OGDH: variants seen among roughly 807,000 people sequenced by gnomAD.
The protein encoded by OGDH is oxoglutarate dehydrogenase.
Under a neutral mutation model 116.6 loss-of-function variants are expected in OGDH, and 38 were observed. The ratio of observed to expected loss-of-function variants is 0.33; its 90% CI spans 0.25 to 0.43. OGDH has a LOEUF of 0.43. Ranked by LOEUF, OGDH falls within the 20% of genes least tolerant of loss-of-function variation. OGDH has a pLI of 1.00. For synonymous variants in OGDH, 488 were observed against 533.3 expected (o/e 0.92, Z 1.17); for missense variants, 825 against 1,357.2 (o/e 0.61, Z 6.16).
At position 44,707,446 on chromosome 7, in the gene OGDH, C is replaced by T; in HGVS notation, c.2796+58C>T. Reference sequence around the variant, plus strand: ...CCAGCGGGGGTCAGGGCTCTGGTGCCTTCACAGAACAGCCTTGCTTGGGGT... The same window carrying T: ...CCAGCGGGGGTCAGGGCTCTGGTGCTTTCACAGAACAGCCTTGCTTGGGGT... On this transcript the variant is annotated intron_variant, in intron 21 of 22. Transcript: ENST00000222673. The surrounding 1 kb of genome is among the most constrained non-coding windows in gnomAD (Gnocchi z 5.2). 4.4e-6 allele frequency: 7 copies of T among 1,605,170 alleles called. No individual in the cohort carries two copies. Among genetic ancestry groups the T allele is most frequent in the Non-Finnish European group, 6.0e-6 (7 of 1,174,986 alleles).
At chr7:44,699,505 TTG>T (rs1182217436) in intron 18 of OGDH, among the ~76,000 whole-genome samples, 1 of 151,748 alleles carries the variant, frequency 6.6e-6, no homozygotes, top group Non-Finnish European at 1.5e-5. Context: ...TAGGTAGAAC[TTG>T]TGTCTCTTAA....
chr7:44,626,310 CACACACACACACACACACACACCCCT>C (rs1197393649), intron 2 of OGDH, among the ~76,000 whole-genome samples: 7 of 131,324 alleles, frequency 5.3e-5, no homozygotes, highest in Admixed American at 3.2e-4. Flanking sequence ...CACCCCTACA[CACACACACACACACACACACACCCCT>C]ACACACACAC....
intron 2 of OGDH, among the ~76,000 whole-genome samples, chr7:44,636,640 C>G (rs1785683090): frequency 6.6e-6 from 1 of 152,218 alleles, no homozygotes. Flanking sequence ...TCTAGCCTTT[C>G]AAGAGCTTCC....
intron 2 of OGDH, among the ~76,000 whole-genome samples, chr7:44,636,120 C>CA (rs1295734610): frequency 1.3e-5 from 2 of 152,242 alleles, no homozygotes; most frequent in African/African-American, 2.4e-5. Context: ...CCCGAATCCT[C>CA]ATGCAGTTCA....
chr7:44,627,185 C>T (rs932973421), intron 2 of OGDH, among the ~76,000 whole-genome samples: 4 of 152,070 alleles, frequency 2.6e-5, no homozygotes, highest in Admixed American at 2.0e-4. Context: ...TTAGTAGAGA[C>T]GGGGTTTCAC....
chr7:44,681,610 T>A (rs551020016), intron 9 of OGDH, 110 bp from the exon 10 acceptor site: 1 of 1,441,994 alleles, frequency 6.9e-7, no homozygotes, highest in African/African-American at 1.4e-5. Flanking sequence ...ATGTTTGAAA[T>A]TATCTCAAAA....
At chr7:44,678,998 A>G (rs530740454) in intron 9 of OGDH, among the ~76,000 whole-genome samples, 244 of 152,306 alleles carry the variant, frequency 1.6e-3, no homozygotes, top group Non-Finnish European at 2.1e-3. Context: ...CAGTGCAGCA[A>G]TGCAACCTGC....
intron 10 of OGDH, among the ~76,000 whole-genome samples, chr7:44,686,574 ATGAG>A (rs1185905527): frequency 6.6e-6 from 1 of 152,058 alleles, no homozygotes; most frequent in African/African-American, 2.4e-5. Context: ...TATATTCTGA[ATGAG>A]TTTCTGTATA....
chr7:44,706,624 A>ATTT, intron 20 of OGDH, among the ~76,000 whole-genome samples: 1 of 123,244 alleles, frequency 8.1e-6, no homozygotes, highest in East Asian at 2.4e-4. Context: ...CCCGGCTGGT[A>ATTT]TTTTTTTTTT....
At chr7:44,706,344 G>T (rs1331493358) in intron 20 of OGDH, among the ~76,000 whole-genome samples, 1 of 148,006 alleles carries the variant, frequency 6.8e-6, no homozygotes, top group African/African-American at 2.5e-5. Flanking sequence ...TTTTTGAGAT[G>T]GAGTTTTGCT....
rs117555691 is a variant in OGDH at position 44,697,988 on chromosome 7, G to A, written c.2359-204G>A. ...GTGGCTAGCATGCCCCGTCCCTGCT[G>A]GTGCAGACTCCCTAGATGCACAGGC... On this transcript the variant is annotated intron_variant, in intron 17 of 22. Transcript: ENST00000222673. The surrounding 1 kb of genome is among the most constrained non-coding windows in gnomAD (Gnocchi z 6.0). Among the ~76,000 whole-genome samples, 16 of 152,300 alleles carry A rather than the reference G, an allele frequency of 1.1e-4. No individual in the cohort carries two copies. In the East Asian group the frequency reaches 3.1e-3, roughly 29 times the overall value.
intron 5 of OGDH, among the ~76,000 whole-genome samples, chr7:44,671,178 G>A (rs972199643): frequency 3.3e-5 from 5 of 152,088 alleles, no homozygotes; most frequent in African/African-American, 9.7e-5. Context: ...ATTTGGTGAG[G>A]GCCTCAGGCT....
Position 44,707,124 on chromosome 7 carries a change from C to T in OGDH, c.2633-101C>T. 1.6e-6 allele frequency: 2 copies of T among 1,259,500 alleles called. No homozygotes were observed. Among genetic ancestry groups the T allele is most frequent in the East Asian group, 2.3e-5 (1 of 42,768 alleles). The allele number at this position is 1,259,500 out of a possible 1,614,324, so 78.0% of individuals were successfully genotyped here. On this transcript the variant is annotated intron_variant, in intron 20 of 22. Coordinates refer to ENST00000222673, the MANE Select transcript of OGDH (RefSeq NM_002541.4). This position sits in a 1 kb window ranked among gnomAD's most constrained non-coding sequence, Gnocchi z 5.2. Reference sequence around the variant, plus strand: ...GGGAAGCATCTCTAACCCTTGAAAGCTGCGTCTCCTGGCAGCAGTCCCTGG... The same window carrying T: ...GGGAAGCATCTCTAACCCTTGAAAGTTGCGTCTCCTGGCAGCAGTCCCTGG...
In OGDH at chr7:44,707,342, A is replaced by G; in HGVS notation, c.2750A>G (p.Lys917Arg). 1 of 1,614,212 alleles carries G rather than the reference A, an allele frequency of 6.2e-7. No individual in the cohort carries two copies. The highest frequency in any genetic ancestry group is 1.1e-5 in the South Asian group (1 of 91,090). The change falls in exon 21 of 23, where the codon AAA becomes AGA. Residue 917 changes from lysine (K) to arginine (R), a missense_variant. Around this residue, in one of 7 missense-constraint regions of OGDH, gnomAD observed 212 missense variants for 284.3 expected, o/e 0.75. Transcript: ENST00000222673. This position sits in a 1 kb window ranked among gnomAD's most constrained non-coding sequence, Gnocchi z 5.2. ...TATTATGACCTCACCCGGGAGCGCAAAGCACGCGACATGGTGGGGCAGGTG... is the reference window on the plus strand; with the variant it reads ...TATTATGACCTCACCCGGGAGCGCAGAGCACGCGACATGGTGGGGCAGGTG... ...KVYYDLTRER[K>R]ARDMVGQVAI...
chr7:44,707,150 C>A lies in OGDH; in HGVS notation c.2633-75C>A. On this transcript the variant is annotated intron_variant, in intron 20 of 22. Transcript: ENST00000222673. The surrounding 1 kb of genome is among the most constrained non-coding windows in gnomAD (Gnocchi z 5.2). ...TGCGTCTCCTGGCAGCAGTCCCTGG[C>A]ACAGCCCTGGGCCCAGGAGAGCTCT... 1 of 1,513,626 alleles carries A rather than the reference C, an allele frequency of 6.6e-7. No homozygotes were observed. 93.8% of individuals were successfully genotyped at this position (1,513,626 alleles called of 1,614,324 possible).
chr7:44,680,680 A>G (rs2116223572), intron 9 of OGDH, among the ~76,000 whole-genome samples: 1 of 152,356 alleles, frequency 6.6e-6, no homozygotes, highest in Middle Eastern at 3.4e-3. Context: ...GAGCACACAA[A>G]TACTGGTCTT....
chr7:44,636,176 C>T (rs763112120), intron 2 of OGDH, among the ~76,000 whole-genome samples: 1 of 152,242 alleles, frequency 6.6e-6, no homozygotes, highest in African/African-American at 2.4e-5. Flanking sequence ...TGGCCACAGT[C>T]AGTCCTACTG....
chr7:44,645,994 G>T (rs1450422447), intron 3 of OGDH, among the ~76,000 whole-genome samples: 1 of 152,164 alleles, frequency 6.6e-6, no homozygotes, highest in Non-Finnish European at 1.5e-5. Flanking sequence ...GGGTACAGCT[G>T]AGCCTACAGA....
intron 9 of OGDH, among the ~76,000 whole-genome samples, chr7:44,680,756 A>G (rs1008204734): frequency 1.3e-5 from 2 of 152,158 alleles, no homozygotes; most frequent in Admixed American, 1.3e-4. Flanking sequence ...CCAGGGCTGG[A>G]CAGGGACAGT....
Sources: allele counts gnomAD v4.1 joint callset (sites outside exome capture counted in the v4.1 genomes callset), GRCh38; gene constraint gnomAD v4.1.1; regional missense constraint gnomAD v4.1.1; non-coding constraint Gnocchi (gnomAD v3.1); transcripts MANE v1.5; gene names NCBI Gene and HGNC (gene_info 2026-07-23, HGNC 2026-07-21).